Variants in TBC1D9 observed in about 807,000 individuals in gnomAD.
TBC1D9 encodes TBC1 domain family member 9A.
Under a neutral mutation model 132.0 loss-of-function variants are expected in TBC1D9, and 63 were observed. That is an observed-to-expected ratio of 0.48 (90% CI 0.39 to 0.59). TBC1D9 has a LOEUF of 0.59. TBC1D9 is among the 20% of genes least tolerant of loss of function. The pLI is 0.00. For synonymous variants in TBC1D9, 610 were observed against 609.9 expected (o/e 1.00, Z 0.00); for missense variants, 1,261 against 1,592.7 (o/e 0.79, Z 3.54).
chr4:140,747,222 T>G (rs1418038714), intron 1 of TBC1D9, among the ~76,000 whole-genome samples: 1 of 151,722 alleles, frequency 6.6e-6, no homozygotes, highest in East Asian at 1.9e-4. Context: ...CATGGTGGCA[T>G]GCACCTGTAG....
intron 1 of TBC1D9, among the ~76,000 whole-genome samples, chr4:140,703,105 T>C (rs559571063): frequency 1.3e-5 from 2 of 152,296 alleles, no homozygotes; most frequent in South Asian, 2.1e-4. Flanking sequence ...TTTATTTAGA[T>C]TGCATGTTTA....
chr4:140,746,079 G>C (rs1480131498), intron 1 of TBC1D9, among the ~76,000 whole-genome samples: 5 of 152,196 alleles, frequency 3.3e-5, no homozygotes, highest in Admixed American at 3.3e-4. Context: ...TAATTAGTCT[G>C]CACTCTTACC....
At chr4:140,678,799 A>G in intron 5 of TBC1D9, 143 bp downstream of exon 5, 1 of 998,334 alleles carries the variant, frequency 1.0e-6, no homozygotes, top group Non-Finnish European at 1.5e-6. Flanking sequence ...GTAGCACCTC[A>G]GCTAGTCTTT....
chr4:140,652,169 A>T (rs1289125249), intron 13 of TBC1D9, among the ~76,000 whole-genome samples: 1 of 151,008 alleles, frequency 6.6e-6, no homozygotes, highest in South Asian at 2.1e-4. Flanking sequence ...TGAACCCCGG[A>T]GGTGGAGGTT....
chr4:140,687,702 G>C (rs1156507783), intron 2 of TBC1D9, among the ~76,000 whole-genome samples: 1 of 151,924 alleles, frequency 6.6e-6, no homozygotes, highest in Non-Finnish European at 1.5e-5. Flanking sequence ...GATACACTGA[G>C]GAAAGGCAAA....
At chr4:140,645,140 G>T in intron 13 of TBC1D9, 1 of 563,408 alleles carries the variant, frequency 1.8e-6, no homozygotes. Flanking sequence ...GGTGCACGTG[G>T]GCCAGGTCAG....
At position 140,671,669 on chromosome 4, in the gene TBC1D9, C is replaced by T. The variant is rs116749488; in HGVS notation, c.1060-743G>A. Among the ~76,000 whole-genome samples, 882 of 111,792 alleles carry T rather than the reference C, an allele frequency of 7.9e-3. 11 individuals are homozygous for T. The highest frequency in any genetic ancestry group is 0.041 in the African/African-American group (835 of 20,460). 73.3% of individuals were successfully genotyped at this position (111,792 alleles called of 152,430 possible). A position where few individuals can be genotyped will look rare whatever the true frequency, so the allele number is the denominator to read the frequency against. The stretch of plus-strand genomic sequence containing the variant: ...CTTAATTGCAACATTATCTGAACTA[C>T]CAGACTGTGTGTGTGTGTGTGTGTG... On this transcript the variant is annotated intron_variant, in intron 6 of 20. Coordinates refer to ENST00000442267, the MANE Select transcript of TBC1D9 (RefSeq NM_015130.3).
intron 1 of TBC1D9, among the ~76,000 whole-genome samples, chr4:140,715,269 C>A (rs150094278): frequency 6.6e-6 from 1 of 152,152 alleles, no homozygotes; most frequent in Non-Finnish European, 1.5e-5. Flanking sequence ...TTTCTCATCA[C>A]GGCCTGAACT....
intron 11 of TBC1D9, among the ~76,000 whole-genome samples, chr4:140,658,040 A>G (rs1737299076): frequency 6.6e-6 from 1 of 152,230 alleles, no homozygotes; most frequent in African/African-American, 2.4e-5. Flanking sequence ...CTTCCAAAAA[A>G]GAACAATCAC....
intron 15 of TBC1D9, among the ~76,000 whole-genome samples, chr4:140,636,125 A>G (rs558497070): frequency 1.2e-3 from 185 of 152,158 alleles, no homozygotes; most frequent in African/African-American, 4.4e-3. Context: ...CCTTCAGATC[A>G]TCTCCCTTGT....
chr4:140,726,622 T>C (rs756875217), intron 1 of TBC1D9, among the ~76,000 whole-genome samples: 16 of 152,202 alleles, frequency 1.1e-4, no homozygotes, highest in Non-Finnish European at 2.2e-4. Context: ...AACCAAGCTA[T>C]ATTTAAAAAT....
intron 1 of TBC1D9, among the ~76,000 whole-genome samples, chr4:140,752,761 T>C (rs1395027256): frequency 6.6e-6 from 1 of 152,176 alleles, no homozygotes; most frequent in Non-Finnish European, 1.5e-5. Flanking sequence ...CTAGAATATC[T>C]TAATTTTTAA....
intron 1 of TBC1D9, among the ~76,000 whole-genome samples, chr4:140,724,360 T>C (rs771475791): frequency 1.3e-5 from 2 of 152,202 alleles, no homozygotes; most frequent in Non-Finnish European, 2.9e-5. Context: ...GAAGCTATGC[T>C]ACAGACAAGA....
In TBC1D9 at chr4:140,689,041, C is replaced by T. The variant is rs115808648; in HGVS notation, c.242-2579G>A. 7.1e-3 allele frequency among the ~76,000 whole-genome samples: 1,074 copies of T among 152,164 alleles called. 7 individuals carry two copies. Among genetic ancestry groups the T allele is most frequent in the African/African-American group, 0.025 (1,023 of 41,482 alleles). On this transcript the variant is annotated intron_variant, in intron 2 of 20. Coordinates refer to ENST00000442267, the MANE Select transcript of TBC1D9 (RefSeq NM_015130.3). ...CGATTGTTCCATCTGTGCTTGTTGG[C>T]ACTGTCAGATGGACTGCACCTCAGG...
chr4:140,677,987 AT>A (rs1293706296), intron 5 of TBC1D9, among the ~76,000 whole-genome samples: 1 of 151,470 alleles, frequency 6.6e-6, no homozygotes, highest in African/African-American at 2.4e-5. Context: ...TGCCTCCTTC[AT>A]TTGATACTAT....
intron 15 of TBC1D9, among the ~76,000 whole-genome samples, chr4:140,637,713 G>A (rs1578817237): frequency 6.6e-6 from 1 of 152,264 alleles, no homozygotes; most frequent in South Asian, 2.1e-4. Flanking sequence ...AAATATTCAT[G>A]AGCTGGCACA....
rs1035736653 is a variant in TBC1D9 at position 140,706,197 on chromosome 4, A to G, written c.131-4583T>C. Among the ~76,000 whole-genome samples, 3 of 152,172 alleles carry G rather than the reference A, an allele frequency of 2.0e-5. No homozygotes were observed. Among genetic ancestry groups the G allele is most frequent in the African/African-American group, 4.8e-5 (2 of 41,444 alleles). On this transcript the variant is annotated intron_variant, in intron 1 of 20. Transcript: ENST00000442267. This position sits in a 1 kb window ranked among gnomAD's most constrained non-coding sequence, Gnocchi z 4.0. ...ATGTGCTCATGGAAATGATCGATCC[A>G]TCTACTGATGATCAGGGCTAAAGTT...
At chr4:140,726,320 G>C (rs1738501147) in intron 1 of TBC1D9, among the ~76,000 whole-genome samples, 1 of 152,060 alleles carries the variant, frequency 6.6e-6, no homozygotes, top group Non-Finnish European at 1.5e-5. Flanking sequence ...ATTTTAAAAA[G>C]TATATTTGTG....
At chr4:140,749,064 T>C (rs1738882173) in intron 1 of TBC1D9, among the ~76,000 whole-genome samples, 1 of 152,030 alleles carries the variant, frequency 6.6e-6, no homozygotes, top group Non-Finnish European at 1.5e-5. Context: ...AACATGTCAA[T>C]TTAAAAAATA....
Sources: gnomAD v4.1 joint callset for allele counts (sites outside exome capture counted in the v4.1 genomes callset) on GRCh38, gnomAD v4.1.1 for gene constraint, Gnocchi (gnomAD v3.1) non-coding constraint, MANE v1.5 for transcripts, NCBI Gene and HGNC (gene_info 2026-07-23, HGNC 2026-07-21) for gene names.